The following LPP variants were observed in gnomAD, a reference collection of about 807,000 sequenced individuals.
LPP encodes lipoma-preferred partner.
A neutral mutation model predicts 60.4 loss-of-function variants in LPP; 38 were observed. That is an observed-to-expected ratio of 0.63 (90% CI 0.49 to 0.83). The LOEUF is 0.83. Ranked by LOEUF, LPP falls within the 40% of genes least tolerant of loss-of-function variation. LPP has a pLI of 0.00. For synonymous variants in LPP, 328 were observed against 290.8 expected, an observed-to-expected ratio of 1.13 and a Z score of -1.30; for missense variants, 902 against 783.6, an observed-to-expected ratio of 1.15 and a Z score of -1.80.
intron 2 of LPP, among the ~76,000 whole-genome samples, chr3:188,262,330 T>G (rs1475648649): frequency 1.5e-5 from 2 of 135,488 alleles, no homozygotes; most frequent in African/African-American, 2.8e-5. Flanking sequence ...AAAATAGTGT[T>G]TTTTTTTTTA....
chr3:188,438,133 G>T (rs967727523), intron 4 of LPP, among the ~76,000 whole-genome samples: 1 of 151,976 alleles, frequency 6.6e-6, no homozygotes. Flanking sequence ...GGATCATGTC[G>T]TTTCATTGCA....
At chr3:188,663,710 G>A (rs1855114214) in intron 7 of LPP, among the ~76,000 whole-genome samples, 1 of 152,130 alleles carries the variant, frequency 6.6e-6, no homozygotes, top group African/African-American at 2.4e-5. Context: ...CGACCTTTTT[G>A]GCACCAATGA....
intron 1 of LPP, among the ~76,000 whole-genome samples, chr3:188,184,399 A>G (rs577940668): frequency 1.3e-5 from 2 of 152,298 alleles, no homozygotes; most frequent in Admixed American, 1.3e-4. Flanking sequence ...AAGATAAACT[A>G]TCCAGTGCCA....
intron 4 of LPP, among the ~76,000 whole-genome samples, chr3:188,445,199 T>C (rs1384649137): frequency 6.6e-6 from 1 of 152,212 alleles, no homozygotes; most frequent in African/African-American, 2.4e-5. Flanking sequence ...CATATGTTTA[T>C]TGTGGCACTG....
intron 9 of LPP, among the ~76,000 whole-genome samples, chr3:188,772,694 C>G (rs935746500): frequency 1.2e-4 from 18 of 151,670 alleles, no homozygotes; most frequent in African/African-American, 4.4e-4. Flanking sequence ...GGGGTTTCAC[C>G]GTGTTAGCCA....
chr3:188,647,752 G>T (rs1270275855), intron 7 of LPP, among the ~76,000 whole-genome samples: 1 of 152,138 alleles, frequency 6.6e-6, no homozygotes, highest in African/African-American at 2.4e-5. Flanking sequence ...AGTCACTGCC[G>T]GTCATTTCTG....
chr3:188,607,827 A>G (rs1333240736), intron 6 of LPP, among the ~76,000 whole-genome samples: 1 of 152,236 alleles, frequency 6.6e-6, no homozygotes, highest in Non-Finnish European at 1.5e-5. Context: ...TTACTTATTT[A>G]TCTATGATTT....
chr3:188,261,787 A>G (rs1485195497), intron 2 of LPP, among the ~76,000 whole-genome samples: 1 of 151,868 alleles, frequency 6.6e-6, no homozygotes, highest in Non-Finnish European at 1.5e-5. Flanking sequence ...GGTGGCACAT[A>G]TCTGTAGTCC....
chr3:188,832,487 A>G (rs1757369584), intron 9 of LPP, among the ~76,000 whole-genome samples: 1 of 152,192 alleles, frequency 6.6e-6, no homozygotes, highest in African/African-American at 2.4e-5. Flanking sequence ...TAAGACTCCG[A>G]GTGGAGGACC....
chr3:188,552,483 G>A (rs1391938295), intron 6 of LPP, among the ~76,000 whole-genome samples: 1 of 152,134 alleles, frequency 6.6e-6, no homozygotes, highest in Admixed American at 6.5e-5. Flanking sequence ...CACGAAATTG[G>A]TGTCTTAAAA....
At chr3:188,709,551 T>C (rs1293779228) in intron 8 of LPP, 2 of 152,098 alleles carry the variant, frequency 1.3e-5, no homozygotes, top group Non-Finnish European at 2.9e-5. Flanking sequence ...GAGACGAGGT[T>C]TCGCCATGTT....
intron 7 of LPP, among the ~76,000 whole-genome samples, chr3:188,644,331 G>A (rs559717448): frequency 3.3e-5 from 5 of 152,276 alleles, no homozygotes; most frequent in East Asian, 1.9e-4. Flanking sequence ...GTAAACAAAC[G>A]TTTGGTAGGA....
rs1342019318 is a variant in LPP at position 188,883,872 on chromosome 3, T to C, written c.*9393T>C. ...GTTAGTTCATCTGTGGAAAAGGATA[T>C]CGTTCTTGAGGAGAGGGGTTCTATT... On this transcript the variant is annotated 3_prime_UTR_variant, in exon 12 of 12. Transcript: ENST00000617246. 9.2e-6 allele frequency: 2 copies of C among 217,336 alleles called. No homozygotes were observed. Among genetic ancestry groups the C allele is most frequent in the African/African-American group, 2.3e-5 (1 of 44,344 alleles). 13.5% of individuals were successfully genotyped at this position (217,336 alleles called of 1,614,324 possible). A position where few individuals can be genotyped will look rare whatever the true frequency, so the allele number is the denominator to read the frequency against.
intron 7 of LPP, among the ~76,000 whole-genome samples, chr3:188,638,635 T>C (rs1849356444): frequency 6.7e-6 from 1 of 148,930 alleles, no homozygotes; most frequent in Non-Finnish European, 1.5e-5. Flanking sequence ...CAGCCCAAAA[T>C]CTCCTTCAGC....
chr3:188,750,530 G>A (rs1727730456), intron 8 of LPP, among the ~76,000 whole-genome samples: 1 of 152,114 alleles, frequency 6.6e-6, no homozygotes, highest in African/African-American at 2.4e-5. Context: ...CTACTCAGGA[G>A]GCTGGGGCCA....
At chr3:188,645,558 T>G (rs1850954491) in intron 7 of LPP, among the ~76,000 whole-genome samples, 1 of 152,138 alleles carries the variant, frequency 6.6e-6, no homozygotes, top group Non-Finnish European at 1.5e-5. Context: ...AAGGTCACTT[T>G]TCATTAGGAG....
At chr3:188,536,827 T>C (rs1446901486) in intron 6 of LPP, among the ~76,000 whole-genome samples, 1 of 152,234 alleles carries the variant, frequency 6.6e-6, no homozygotes, top group Admixed American at 6.5e-5. Context: ...TCTTGAACTC[T>C]TTCTAATTTC....
rs921900006 is a variant in LPP, at chr3:188,572,290, C to G, written c.430-36871C>G. ...GTAATATATATTCTAACGACAAAGCCCTATGTTATAATTTAAATGGTAGTA... is the reference window on the plus strand; with the variant it reads ...GTAATATATATTCTAACGACAAAGCGCTATGTTATAATTTAAATGGTAGTA... On this transcript the variant is annotated intron_variant, in intron 6 of 11. Coordinates refer to ENST00000617246, the MANE Select transcript of LPP (RefSeq NM_001375462.1). The surrounding 1 kb of genome is among the most constrained non-coding windows in gnomAD (Gnocchi z 4.1). Among the ~76,000 whole-genome samples, 2 of 151,772 alleles carry G rather than the reference C, an allele frequency of 1.3e-5. No individual in the cohort carries two copies. The highest frequency in any genetic ancestry group is 2.9e-5 in the Non-Finnish European group (2 of 67,926).
chr3:188,417,818 C>A (rs745617861), intron 4 of LPP, among the ~76,000 whole-genome samples: 2 of 152,194 alleles, frequency 1.3e-5, no homozygotes, highest in Non-Finnish European at 2.9e-5. Context: ...AAAGGCAATT[C>A]TCTTTAAATC....
Sources: allele counts gnomAD v4.1 joint callset (sites outside exome capture counted in the v4.1 genomes callset), GRCh38; gene constraint gnomAD v4.1.1; non-coding constraint Gnocchi (gnomAD v3.1); transcripts MANE v1.5; gene names NCBI Gene and HGNC (gene_info 2026-07-23, HGNC 2026-07-21).